Variants in NEBL observed in about 807,000 individuals in gnomAD.
NEBL encodes the protein LIM and SH3 protein 2.
Under a neutral mutation model 140.2 loss-of-function variants are expected in NEBL, and 122 were observed. The observed-to-expected ratio is 0.87, with a 90% confidence interval of 0.75 to 1.01. The LOEUF is 1.01. NEBL is among the 50% of genes least tolerant of loss of function. NEBL has a pLI of 0.00. For synonymous variants in NEBL, 436 were observed against 398.9 expected (o/e 1.09, Z -1.11); for missense variants, 1,365 against 1,231.3 (o/e 1.11, Z -1.62).
chr10:20,791,012 A>G (rs1835914176), intron 26 of NEBL, among the ~76,000 whole-genome samples: 1 of 152,228 alleles, frequency 6.6e-6, no homozygotes, highest in South Asian at 2.1e-4. Flanking sequence ...AATGGGGGAC[A>G]ATGGCTTTTC....
chr10:21,254,593 A>G (rs181088926), intron 1 of NEBL, among the ~76,000 whole-genome samples: 2 of 152,228 alleles, frequency 1.3e-5, no homozygotes, highest in Admixed American at 6.5e-5. Flanking sequence ...ACAGGTGTGC[A>G]CCACCACATC....
intron 14 of NEBL, among the ~76,000 whole-genome samples, chr10:20,833,766 A>G (rs188970328): frequency 1.7e-4 from 26 of 152,230 alleles, no homozygotes; most frequent in African/African-American, 6.0e-4. Flanking sequence ...AAAAAAAAAA[A>G]AAAAGAAAAA....
intron 2 of NEBL, among the ~76,000 whole-genome samples, chr10:21,075,373 T>C (rs1386695364): frequency 6.6e-6 from 1 of 152,124 alleles, no homozygotes; most frequent in Non-Finnish European, 1.5e-5. Flanking sequence ...AAGCTGTAAA[T>C]GAAGAGCTTA....
intron 2 of NEBL, among the ~76,000 whole-genome samples, chr10:21,109,456 T>A (rs4406712): frequency 0.21 from 31,414 of 152,096 alleles, 3,400 homozygotes; most frequent in East Asian, 0.32. Flanking sequence ...TGGCCTGAAA[T>A]TTTCTTTTTT....
chr10:20,999,409 C>G (rs1337476975), intron 3 of NEBL, among the ~76,000 whole-genome samples: 2 of 152,054 alleles, frequency 1.3e-5, no homozygotes, highest in African/African-American at 2.4e-5. Flanking sequence ...CAAGTCTGGG[C>G]AATATGGCAA....
chr10:20,870,016 C>G (rs1844759091), intron 5 of NEBL, among the ~76,000 whole-genome samples, 175 bp from the exon 6 acceptor site: 1 of 151,880 alleles, frequency 6.6e-6, no homozygotes, highest in South Asian at 2.1e-4. Flanking sequence ...TTATACTATA[C>G]CTATGTCTCA....
chr10:21,129,772 T>C (rs1472687266), intron 2 of NEBL, among the ~76,000 whole-genome samples: 1 of 150,312 alleles, frequency 6.7e-6, no homozygotes, highest in Non-Finnish European at 1.5e-5. Context: ...GGAGAGAAAA[T>C]AGAATCATAT....
At chr10:21,201,646 G>C (rs1299185318) in intron 3 of NEBL, among the ~76,000 whole-genome samples, 1 of 151,974 alleles carries the variant, frequency 6.6e-6, no homozygotes. Flanking sequence ...CACAAAATCT[G>C]GAAATTAAAA....
intron 4 of NEBL, among the ~76,000 whole-genome samples, chr10:20,932,169 C>T (rs138434020): frequency 0.011 from 1,636 of 152,244 alleles, 22 homozygotes; most frequent in African/African-American, 0.029. Flanking sequence ...ACCACCATAT[C>T]GTACCTGTCT....
intron 20 of NEBL, chr10:20,818,873 CA>C: frequency 1.0e-6 from 1 of 989,154 alleles, no homozygotes; most frequent in South Asian, 4.6e-5. Flanking sequence ...TCCAAAAATG[CA>C]GAGGGTGTAA....
At chr10:21,029,381 G>T in intron 2 of NEBL, 1 of 1,611,534 alleles carries the variant, frequency 6.2e-7, no homozygotes, top group South Asian at 1.1e-5. Context: ...CGTTTACCAC[G>T]TGAACCCAGC....
intron 3 of NEBL, among the ~76,000 whole-genome samples, chr10:20,981,982 C>A (rs768270034): frequency 1.3e-5 from 2 of 152,176 alleles, no homozygotes; most frequent in African/African-American, 2.4e-5. Flanking sequence ...AACTGATACA[C>A]TCATCTACAT....
chr10:21,037,257 AGGGT>A (rs1441549766), intron 2 of NEBL, among the ~76,000 whole-genome samples: 1 of 44,502 alleles, frequency 2.2e-5, no homozygotes, highest in African/African-American at 8.9e-5. Context: ...GATGAAAATG[AGGGT>A]GGGGGTGGAG....
At chr10:21,262,117 G>C (rs554752817) in intron 1 of NEBL, among the ~76,000 whole-genome samples, 1 of 152,266 alleles carries the variant, frequency 6.6e-6, no homozygotes, top group South Asian at 2.1e-4. Flanking sequence ...ACACACGCCT[G>C]GTGATCCCTG....
chr10:20,903,711 TG>T (rs2131438832), intron 4 of NEBL, among the ~76,000 whole-genome samples: 1 of 151,964 alleles, frequency 6.6e-6, no homozygotes, highest in East Asian at 1.9e-4. Context: ...TAACGTATTT[TG>T]TAGCAACTGG....
chr10:20,823,027 G>T (rs1466454991), intron 19 of NEBL, among the ~76,000 whole-genome samples, 181 bp downstream of exon 19: 1 of 152,110 alleles, frequency 6.6e-6, no homozygotes, highest in Non-Finnish European at 1.5e-5. Context: ...CTGACACAAG[G>T]CATTAGGCTA....
intron 4 of NEBL, among the ~76,000 whole-genome samples, chr10:20,941,256 T>C (rs1374414467): frequency 6.6e-6 from 1 of 152,192 alleles, no homozygotes; most frequent in Non-Finnish European, 1.5e-5. Context: ...GTGGGCTTCA[T>C]CCCTGGGATG....
At position 21,060,025 on chromosome 10, in the gene NEBL, A is replaced by C. The variant is rs116367943; in HGVS notation, c.165-39824T>G. Among the ~76,000 whole-genome samples, 1,286 of 152,292 alleles carry C rather than the reference A, an allele frequency of 8.4e-3. 13 individuals carry two copies. Among genetic ancestry groups the C allele is most frequent in the African/African-American group, 0.029 (1,193 of 41,546 alleles). ...GTCATACAGCCTTTGGGTTCTGCCA[A>C]ATACAAATATTTTAAGTCCCTGTGA... is the stretch of plus-strand genomic sequence containing the variant. On this transcript the variant is annotated intron_variant, in intron 2 of 6. Transcript: ENST00000417816.
intron 2 of NEBL, among the ~76,000 whole-genome samples, chr10:21,123,183 C>T (rs1195054845): frequency 6.6e-6 from 1 of 152,158 alleles, no homozygotes; most frequent in South Asian, 2.1e-4. Flanking sequence ...ATCCATGCAA[C>T]TCTTAAAAAT....
Sources: gnomAD v4.1 joint callset for allele counts (sites outside exome capture counted in the v4.1 genomes callset) on GRCh38, gnomAD v4.1.1 for gene constraint, MANE v1.5 for transcripts, NCBI Gene and HGNC (gene_info 2026-07-23, HGNC 2026-07-21) for gene names.